The following MIR2052HG variants were observed in gnomAD, a reference collection of about 807,000 sequenced individuals.
The protein encoded by MIR2052HG is MIR2052 host gene.
chr8:74,688,499 A>G (rs1207102378), intron 2 of MIR2052HG, among the ~76,000 whole-genome samples: 1 of 140,518 alleles, frequency 7.1e-6, no homozygotes, highest in African/African-American at 2.4e-5. Flanking sequence ...AGAACTGAAG[A>G]GGGACCAAGA....
chr8:74,613,081 A>T (rs1808223701), intron 2 of MIR2052HG: 2 of 338,460 alleles, frequency 5.9e-6, no homozygotes, highest in South Asian at 4.6e-5. Context: ...CCACGGCTAC[A>T]GTTTTGTGGG....
At chr8:74,758,072 A>G (rs908940502) in intron 5 of MIR2052HG, 3 of 152,124 alleles carry the variant, frequency 2.0e-5, no homozygotes, top group African/African-American at 7.2e-5. Context: ...ATCTATTGCA[A>G]ACAATGCAGC....
At chr8:74,746,453 G>C (rs907082821) in intron 4 of MIR2052HG, among the ~76,000 whole-genome samples, 11 of 152,072 alleles carry the variant, frequency 7.2e-5, no homozygotes, top group Admixed American at 4.6e-4. Flanking sequence ...GAAGGGGACA[G>C]ACACAAATAA....
intron 2 of MIR2052HG, among the ~76,000 whole-genome samples, chr8:74,655,335 A>C (rs1047162772): frequency 6.6e-6 from 1 of 152,192 alleles, no homozygotes; most frequent in African/African-American, 2.4e-5. Flanking sequence ...TCTCCAGGGC[A>C]TGTCATAGGT....
At chr8:74,742,615 G>A (rs1384851773) in intron 4 of MIR2052HG, among the ~76,000 whole-genome samples, 1 of 151,790 alleles carries the variant, frequency 6.6e-6, no homozygotes, top group Non-Finnish European at 1.5e-5. Context: ...GTCATTGCTG[G>A]GAACTCCTTT....
chr8:74,610,402 T>C (rs1808177711), intron 1 of MIR2052HG, among the ~76,000 whole-genome samples: 1 of 151,954 alleles, frequency 6.6e-6, no homozygotes, highest in Non-Finnish European at 1.5e-5. Flanking sequence ...GTTATGTTCA[T>C]AGTTTGGAAG....
chr8:74,740,189 C>T (rs183152721), intron 4 of MIR2052HG, among the ~76,000 whole-genome samples: 15 of 152,134 alleles, frequency 9.9e-5, no homozygotes, highest in Non-Finnish European at 1.8e-4. Flanking sequence ...TTGGGCTAGG[C>T]GCAGTGGGTC....
intron 5 of MIR2052HG, among the ~76,000 whole-genome samples, chr8:74,753,040 A>C (rs1809964037): frequency 1.3e-5 from 2 of 152,228 alleles, no homozygotes; most frequent in Admixed American, 6.5e-5. Flanking sequence ...TATGAATCTA[A>C]TCAGAAGGTA....
At chr8:74,752,065 G>T (rs1374689350) in intron 4 of MIR2052HG, among the ~76,000 whole-genome samples, 1 of 152,114 alleles carries the variant, frequency 6.6e-6, no homozygotes, top group African/African-American at 2.4e-5. Context: ...AGGATCACTT[G>T]AGGCCAGGAG....
At chr8:74,725,560 G>T (rs1809624612) in intron 4 of MIR2052HG, among the ~76,000 whole-genome samples, 1 of 152,172 alleles carries the variant, frequency 6.6e-6, no homozygotes, top group African/African-American at 2.4e-5. Context: ...TTCTGATGTT[G>T]TTATATATTC....
chr8:74,603,302 T>C, intron 1 of MIR2052HG: 1 of 1,589,796 alleles, frequency 6.3e-7, no homozygotes. Context: ...CTGCTCCCCA[T>C]GCCACCCGTC....
intron 2 of MIR2052HG, among the ~76,000 whole-genome samples, chr8:74,647,002 C>A (rs1309090393): frequency 6.6e-6 from 1 of 151,974 alleles, no homozygotes; most frequent in Non-Finnish European, 1.5e-5. Flanking sequence ...TAGTGGTGGA[C>A]CTCAGAATTC....
At chr8:74,626,993 C>T (rs1339811277) in intron 2 of MIR2052HG, among the ~76,000 whole-genome samples, 1 of 152,166 alleles carries the variant, frequency 6.6e-6, no homozygotes, top group African/African-American at 2.4e-5. Flanking sequence ...TTAAAATATT[C>T]TACTCTCCTC....
chr8:74,629,417 T>C (rs570956254), intron 2 of MIR2052HG, among the ~76,000 whole-genome samples: 2 of 151,966 alleles, frequency 1.3e-5, no homozygotes, highest in Non-Finnish European at 2.9e-5. Flanking sequence ...TTCAGGATGG[T>C]TTTCTACAGT....
chr8:74,650,883 A>G (rs925414035), intron 2 of MIR2052HG, among the ~76,000 whole-genome samples: 4 of 152,186 alleles, frequency 2.6e-5, no homozygotes, highest in African/African-American at 9.6e-5. Flanking sequence ...GTTTTATTGA[A>G]CTGAAATATT....
chr8:74,683,423 A>G (rs1809146330), intron 2 of MIR2052HG, among the ~76,000 whole-genome samples: 1 of 152,136 alleles, frequency 6.6e-6, no homozygotes, highest in South Asian at 2.1e-4. Flanking sequence ...TATAATACAG[A>G]TGTGAGGTTC....
chr8:74,679,589 G>A (rs151034713), intron 2 of MIR2052HG, among the ~76,000 whole-genome samples: 1,575 of 150,400 alleles, frequency 0.01, 32 homozygotes, highest in African/African-American at 0.035. Context: ...GCAGTGTCAC[G>A]ATCTCGGCTT....
At chr8:74,727,657 AT>A (rs924231377) in intron 4 of MIR2052HG, among the ~76,000 whole-genome samples, 6 of 152,084 alleles carry the variant, frequency 3.9e-5, no homozygotes, top group African/African-American at 7.2e-5. Flanking sequence ...CTACTTGCAT[AT>A]TTTTTTCTAG....
chr8:74,725,687 T>A (rs990610310), intron 4 of MIR2052HG, among the ~76,000 whole-genome samples: 4 of 152,222 alleles, frequency 2.6e-5, no homozygotes, highest in Non-Finnish European at 5.9e-5. Context: ...AAACATTTTT[T>A]ATGCTAAAGC....
Sources: allele counts gnomAD v4.1 joint callset (sites outside exome capture counted in the v4.1 genomes callset), GRCh38; gene constraint gnomAD v4.1.1; transcripts MANE v1.5; gene names NCBI Gene and HGNC (gene_info 2026-07-23, HGNC 2026-07-21).